C12orf75: variants seen among roughly 807,000 people sequenced by gnomAD.
C12orf75 encodes overexpressed in colon carcinoma 1 protein.
Under a neutral mutation model 11.4 loss-of-function variants are expected in C12orf75, and 4 were observed. The ratio of observed to expected loss-of-function variants is 0.35; its 90% CI spans 0.17 to 0.80. The LOEUF is 0.80. Ranked by LOEUF, C12orf75 falls within the 30% of genes least tolerant of loss-of-function variation. C12orf75 has a pLI of 0.52. For synonymous variants in C12orf75, 30 were observed against 30.0 expected, an observed-to-expected ratio of 1.00 and a Z score of 0.00; for missense variants, 89 against 80.4, an observed-to-expected ratio of 1.11 and a Z score of -0.41.
intron 1 of C12orf75, among the ~76,000 whole-genome samples, chr12:105,334,101 G>A (rs1202841753): frequency 6.6e-6 from 1 of 152,228 alleles, no homozygotes; most frequent in East Asian, 1.9e-4. Flanking sequence ...AAAGGGTCAA[G>A]TGGCCATAAG....
intron 1 of C12orf75, among the ~76,000 whole-genome samples, chr12:105,342,054 G>A (rs1892581538): frequency 6.6e-6 from 1 of 152,214 alleles, no homozygotes; most frequent in Non-Finnish European, 1.5e-5. Flanking sequence ...AAATTACCCA[G>A]TCTAGGGTAT....
intron 2 of C12orf75, among the ~76,000 whole-genome samples, chr12:105,356,913 T>C (rs77176028): frequency 0.011 from 1,664 of 152,346 alleles, 13 homozygotes; most frequent in Non-Finnish European, 0.017. Flanking sequence ...TTAAAATGAT[T>C]GTAAGGTTGA....
At chr12:105,331,846 A>G (rs938221006) in intron 1 of C12orf75, among the ~76,000 whole-genome samples, 5 of 152,146 alleles carry the variant, frequency 3.3e-5, no homozygotes, top group African/African-American at 7.2e-5. Flanking sequence ...ATCTCCTCCA[A>G]TTGAAGTCAA....
intron 1 of C12orf75, among the ~76,000 whole-genome samples, chr12:105,338,047 C>T (rs1245147828): frequency 6.6e-6 from 1 of 152,188 alleles, no homozygotes; most frequent in Non-Finnish European, 1.5e-5. Flanking sequence ...TATAATTCAG[C>T]AAAGGCAGTT....
At chr12:105,362,559 C>T (rs1366164144) in intron 2 of C12orf75, among the ~76,000 whole-genome samples, 2 of 141,422 alleles carry the variant, frequency 1.4e-5, no homozygotes, top group African/African-American at 5.3e-5. Context: ...CCCAGCTACT[C>T]AGGAGGCTGA....
intron 1 of C12orf75, among the ~76,000 whole-genome samples, chr12:105,336,786 AAAAGT>A (rs1892504438): frequency 6.6e-6 from 1 of 152,194 alleles, no homozygotes; most frequent in African/African-American, 2.4e-5. Flanking sequence ...TACTCACTCT[AAAAGT>A]AAGGTAGTAA....
chr12:105,364,808 G>A lies in C12orf75; in HGVS notation c.72-999G>A, dbSNP rs377607595. ...AGTGTCCTGATTCTCTTAGAAATAC[G>A]CCAAGGAATTCTGGTAGAATATGGA... is the stretch of plus-strand genomic sequence containing the variant. On this transcript the variant is annotated intron_variant, in intron 2 of 5. Coordinates refer to ENST00000443585, the MANE Select transcript of C12orf75 (RefSeq NM_001145199.2). Among the ~76,000 whole-genome samples the A allele has an allele frequency of 2.7e-4, 40 of 149,530 alleles. No homozygotes were observed. The South Asian group carries it at 6.2e-3, about 23-fold the overall frequency.
intron 1 of C12orf75, among the ~76,000 whole-genome samples, chr12:105,341,682 T>C (rs1398287160): frequency 6.6e-6 from 1 of 152,086 alleles, no homozygotes; most frequent in Admixed American, 6.5e-5. Flanking sequence ...CCCAGTGGAG[T>C]TGGGCTATAC....
chr12:105,347,131 C>A (rs1892650542), intron 1 of C12orf75, among the ~76,000 whole-genome samples: 1 of 152,142 alleles, frequency 6.6e-6, no homozygotes, highest in South Asian at 2.1e-4. Context: ...TCCTGTGCCT[C>A]CCAGATAAAG....
chr12:105,362,767 G>A (rs1029847996), intron 2 of C12orf75, among the ~76,000 whole-genome samples: 3 of 152,162 alleles, frequency 2.0e-5, no homozygotes, highest in Non-Finnish European at 4.4e-5. Context: ...GCAGGAATTA[G>A]GATCACACAA....
At chr12:105,334,338 T>C (rs1256290847) in intron 1 of C12orf75, among the ~76,000 whole-genome samples, 3 of 152,170 alleles carry the variant, frequency 2.0e-5, no homozygotes, top group Non-Finnish European at 2.9e-5. Flanking sequence ...GATTAAGCAA[T>C]TGAGAATCAC....
rs188867621 is a variant in C12orf75 at position 105,365,078 on chromosome 12, C to G, written c.72-729C>G. Among the ~76,000 whole-genome samples the G allele has an allele frequency of 4.3e-4, 66 of 152,106 alleles. 1 individual carries two copies. In the East Asian group the frequency reaches 0.01, roughly 23 times the overall value. On this transcript the variant is annotated intron_variant, in intron 2 of 5. Transcript: ENST00000443585. ...TCTCGAACTCCTGACCTCAGGTGAT[C>G]CGCCCGCCTCGGCCTCCCAAAGTGC...
intron 2 of C12orf75, among the ~76,000 whole-genome samples, chr12:105,350,617 C>T (rs1257134802): frequency 6.6e-6 from 1 of 152,142 alleles, no homozygotes; most frequent in Non-Finnish European, 1.5e-5. Flanking sequence ...GCATTTTGGA[C>T]CTTTCTTGTG....
chr12:105,367,109 T>C (rs4964362), intron 4 of C12orf75, among the ~76,000 whole-genome samples: 152,212 of 152,346 alleles, frequency 1, 76,039 homozygotes, highest in Middle Eastern at 1. Flanking sequence ...AAATGAGGCT[T>C]CATTTTCTGA....
Position 105,330,765 on chromosome 12 carries a change from C to T in C12orf75, c.-127C>T. On this transcript the variant is annotated 5_prime_UTR_variant, in exon 1 of 6. Coordinates refer to ENST00000443585, the MANE Select transcript of C12orf75 (RefSeq NM_001145199.2). ...CGGCGGTGGGAGGGGGCGGCCCCCA[C>T]TCGGTTCCTGGCCCCTCGCGGCCCC... The T allele has an allele frequency of 1.0e-6, 1 of 997,026 alleles. No individual in the cohort carries two copies. Among genetic ancestry groups the T allele is most frequent in the Non-Finnish European group, 1.3e-6 (1 of 787,792 alleles). The allele number at this position is 997,026 out of a possible 1,614,324, so 61.8% of individuals were successfully genotyped here.
At chr12:105,368,984 C>A (rs12816174) in intron 5 of C12orf75, among the ~76,000 whole-genome samples, 1,952 of 152,244 alleles carry the variant, frequency 0.013, 39 homozygotes, top group Non-Finnish European at 0.017. Context: ...TGCAGAAGTA[C>A]TTTTATTATT....
At chr12:105,358,597 A>C (rs1332868904) in intron 2 of C12orf75, among the ~76,000 whole-genome samples, 2 of 152,240 alleles carry the variant, frequency 1.3e-5, no homozygotes, top group Non-Finnish European at 2.9e-5. Context: ...TATGATTAAA[A>C]AATATTTCAG....
chr12:105,337,429 C>G (rs544248499), intron 1 of C12orf75, among the ~76,000 whole-genome samples: 4 of 152,252 alleles, frequency 2.6e-5, no homozygotes, highest in Admixed American at 2.6e-4. Context: ...AAACCTGTCT[C>G]TCTGAGAATT....
chr12:105,349,137 A>C (rs999887745), intron 2 of C12orf75, among the ~76,000 whole-genome samples: 2 of 152,352 alleles, frequency 1.3e-5, no homozygotes, highest in East Asian at 3.9e-4. Context: ...AATAATGGGC[A>C]TCTCCCTGTG....
Sources: allele counts gnomAD v4.1 joint callset (sites outside exome capture counted in the v4.1 genomes callset), GRCh38; gene constraint gnomAD v4.1.1; transcripts MANE v1.5; gene names NCBI Gene and HGNC (gene_info 2026-07-23, HGNC 2026-07-21).